TMEM240: variants seen among roughly 807,000 people sequenced by gnomAD.
TMEM240 encodes the protein transmembrane protein C1orf70.
A neutral mutation model predicts 19.5 loss-of-function variants in TMEM240; 3 were observed. The ratio of observed to expected loss-of-function variants is 0.15; its 90% CI spans 0.07 to 0.40. TMEM240 has a LOEUF of 0.40. Among genes scored for constraint, TMEM240 ranks in the 10% least tolerant of loss-of-function variants. The pLI, the probability that TMEM240 is intolerant of heterozygous loss-of-function variation, is 1.00. For missense variants in TMEM240, 210 were observed against 253.5 expected, an observed-to-expected ratio of 0.83 and a Z score of 1.17; for synonymous variants, 123 against 109.3, an observed-to-expected ratio of 1.13 and a Z score of -0.78.
Position 1,535,737 on chromosome 1 carries a change from C to T in TMEM240, c.225G>A (p.Glu75=). The stretch of plus-strand genomic sequence containing the variant: ...TCACACTGTCCGTCACAAAGTAGTT[C>T]TCGGAGGCGTCCACCACCGACTGGT... ...DGDQSVVDAS[E]NYFVTDSVTK... is the part of the protein sequence containing the mutation. The change falls in exon 3 of 4, where the codon GAG becomes GAA. Residue 75 remains glutamate, a synonymous_variant. Coordinates refer to ENST00000378733, the MANE Select transcript of TMEM240 (RefSeq NM_001114748.2). This position sits in a 1 kb window ranked among gnomAD's most constrained non-coding sequence, Gnocchi z 8.2. The T allele has an allele frequency of 1.3e-6, 2 of 1,550,394 alleles. No individual in the cohort carries two copies. Among genetic ancestry groups the T allele is most frequent in the East Asian group, 4.9e-5 (2 of 40,896 alleles).
chr1:1,538,543 G>A (rs547238531), intron 2 of TMEM240, among the ~76,000 whole-genome samples: 1 of 152,352 alleles, frequency 6.6e-6, no homozygotes, highest in South Asian at 2.1e-4. Flanking sequence ...GGGAGGCAGT[G>A]GAGCCGACCT....
In TMEM240 at chr1:1,535,923, C is replaced by CCT; in HGVS notation, c.165-127_165-126insAG. On this transcript the variant is annotated intron_variant, in intron 2 of 3. Transcript: ENST00000378733. The surrounding 1 kb of genome is among the most constrained non-coding windows in gnomAD (Gnocchi z 8.2). ...CCCTGGGGGTTCTCTGAAGCAGCCT[C>CCT]TTGGGCGGGCGGGTCGGGAAGGGGG... is the stretch of plus-strand genomic sequence containing the variant. The CCT allele has an allele frequency of 2.5e-6, 1 of 404,326 alleles. No individual in the cohort carries two copies. The highest frequency in any genetic ancestry group is 4.9e-6 in the Non-Finnish European group (1 of 202,508). The allele number at this position is 404,326 out of a possible 1,614,324, so 25.0% of individuals were successfully genotyped here. A position where few individuals can be genotyped will look rare whatever the true frequency, so the allele number is the denominator to read the frequency against.
chr1:1,538,719 G>A (rs951352206), intron 2 of TMEM240, among the ~76,000 whole-genome samples: 1 of 152,198 alleles, frequency 6.6e-6, no homozygotes, highest in Non-Finnish European at 1.5e-5. Flanking sequence ...TCATCGACAC[G>A]CCTGCTGCAC....
Position 1,539,857 on chromosome 1 carries a change from G to C in TMEM240, c.58-67C>G, listed in dbSNP as rs1339028640. The C allele has an allele frequency of 3.6e-6, 5 of 1,388,360 alleles. No individual in the cohort carries two copies. In the African/African-American group the frequency reaches 7.4e-5, roughly 20 times the overall value. 86.0% of individuals were successfully genotyped at this position (1,388,360 alleles called of 1,614,324 possible). A position where few individuals can be genotyped will look rare whatever the true frequency, so the allele number is the denominator to read the frequency against. On this transcript the variant is annotated intron_variant, in intron 1 of 3. Transcript: ENST00000378733. ...GACGAAGCGGGGCTGGGGGTGGGGA[G>C]CGCAGGCCGGGGTCGGGGCAGCGCA...
At position 1,538,476 on chromosome 1, in the gene TMEM240, G is replaced by A. The variant is rs760453098; in HGVS notation, c.164+1208C>T. Among the ~76,000 whole-genome samples the A allele has an allele frequency of 2.6e-5, 4 of 152,354 alleles. No homozygotes were observed. The East Asian group carries it at 5.8e-4, about 22-fold the overall frequency. On this transcript the variant is annotated intron_variant, in intron 2 of 3. Transcript: ENST00000378733. The stretch of plus-strand genomic sequence containing the variant: ...GCGGATGCACACGGCCCCAGCCCAC[G>A]TGCGTGGAGGCCGCACCTTTCTGAT...
rs1479036962 is a variant in TMEM240 at position 1,535,727 on chromosome 1, C to G, written c.235G>C (p.Val79Leu). 1.3e-6 allele frequency: 2 copies of G among 1,550,372 alleles called. No individual in the cohort carries two copies. Among genetic ancestry groups the G allele is most frequent in the African/African-American group, 2.7e-5 (2 of 73,026 alleles). ...SVVDASENYF[V>L]TDSVTKQEID... ...TCCTGCTTGGTCACACTGTCCGTCA[C>G]AAAGTAGTTCTCGGAGGCGTCCACC... The change falls in exon 3 of 4, where the codon GTG becomes CTG. Residue 79 changes from valine (V) to leucine (L), a missense_variant. By Grantham distance (32) the Val-to-Leu change is conservative. Transcript: ENST00000378733. This position sits in a 1 kb window ranked among gnomAD's most constrained non-coding sequence, Gnocchi z 8.2.
chr1:1,535,265 T>C lies in TMEM240; in HGVS notation c.*94A>G. ...CCGGACAACCTGGGCCCAGGGCTGC[T>C]GTCCAGTCCCGCCGGCCCGGGCGTC... On this transcript the variant is annotated 3_prime_UTR_variant, in exon 4 of 4. Coordinates refer to ENST00000378733, the MANE Select transcript of TMEM240 (RefSeq NM_001114748.2). The surrounding 1 kb of genome is among the most constrained non-coding windows in gnomAD (Gnocchi z 8.2). The C allele has an allele frequency of 7.1e-7, 1 of 1,417,422 alleles. No homozygotes were observed. The allele number at this position is 1,417,422 out of a possible 1,614,324, so 87.8% of individuals were successfully genotyped here.
Position 1,540,413 on chromosome 1 carries a change from T to C in TMEM240, c.-67A>G. The C allele has an allele frequency of 1.6e-6, 1 of 624,610 alleles. No individual in the cohort carries two copies. The highest frequency in any genetic ancestry group is 2.1e-6 in the Non-Finnish European group (1 of 485,442). 38.7% of individuals were successfully genotyped at this position (624,610 alleles called of 1,614,324 possible). A position where few individuals can be genotyped will look rare whatever the true frequency, so the allele number is the denominator to read the frequency against. On this transcript the variant is annotated 5_prime_UTR_variant, in exon 1 of 4. Coordinates refer to ENST00000378733, the MANE Select transcript of TMEM240 (RefSeq NM_001114748.2). ...CGGCGCCCCCCCGGCCCCGGCCCGA[T>C]GCTGAGCCCCCGCCGCCTCCGCAGA...
intron 2 of TMEM240, chr1:1,539,339 C>A: frequency 3.0e-6 from 1 of 329,288 alleles, no homozygotes; most frequent in Non-Finnish European, 5.7e-6. Context: ...GGGCCCAGCC[C>A]TGTGCCAGCA....
At chr1:1,538,847 G>A (rs1414151944) in intron 2 of TMEM240, among the ~76,000 whole-genome samples, 1 of 152,198 alleles carries the variant, frequency 6.6e-6, no homozygotes, top group Non-Finnish European at 1.5e-5. Context: ...ACGAACACGG[G>A]TTCTGGGCTG....
Position 1,535,879 on chromosome 1 carries a change from GTGTGACCGCGTCAGGCCGCCCT to G in TMEM240, c.165-104_165-83del. 1.7e-6 allele frequency: 2 copies of G among 1,174,338 alleles called. No homozygotes were observed. Among genetic ancestry groups the G allele is most frequent in the Non-Finnish European group, 2.4e-6 (2 of 822,746 alleles). The allele number at this position is 1,174,338 out of a possible 1,614,324, so 72.7% of individuals were successfully genotyped here. A position where few individuals can be genotyped will look rare whatever the true frequency, so the allele number is the denominator to read the frequency against. On this transcript the variant is annotated intron_variant, in intron 2 of 3. Coordinates refer to ENST00000378733, the MANE Select transcript of TMEM240 (RefSeq NM_001114748.2). The surrounding 1 kb of genome is among the most constrained non-coding windows in gnomAD (Gnocchi z 8.2). ...CCGGGGCGCCTACCCCGTGGTGGGG[GTGTGACCGCGTCAGGCCGCCCT>G]GGGGGTTCTCTGAAGCAGCCTCTTG...
rs547591498 is a variant in TMEM240 at position 1,536,288 on chromosome 1, G to A, written c.165-491C>T. Among the ~76,000 whole-genome samples, 18 of 152,146 alleles carry A rather than the reference G, an allele frequency of 1.2e-4. No individual in the cohort carries two copies. Among genetic ancestry groups the A allele is most frequent in the South Asian group, 6.2e-4 (3 of 4,826 alleles). ...GCCACTCCCATGCACCCTTCCCCCCGCTGCTGTGCCCTTTCCTCCACGGCT... is the reference window on the plus strand; with the variant it reads ...GCCACTCCCATGCACCCTTCCCCCCACTGCTGTGCCCTTTCCTCCACGGCT... On this transcript the variant is annotated intron_variant, in intron 2 of 3. Coordinates refer to ENST00000378733, the MANE Select transcript of TMEM240 (RefSeq NM_001114748.2). This position sits in a 1 kb window ranked among gnomAD's most constrained non-coding sequence, Gnocchi z 5.4.
chr1:1,537,235 G>A (rs906103990), intron 2 of TMEM240, among the ~76,000 whole-genome samples: 10 of 152,038 alleles, frequency 6.6e-5, no homozygotes, highest in South Asian at 2.1e-4. Flanking sequence ...CAGCATATCC[G>A]GAAAGTGGCC....
Position 1,534,975 on chromosome 1 carries a change from C to G in TMEM240, c.*384G>C, listed in dbSNP as rs938177048. On this transcript the variant is annotated 3_prime_UTR_variant, in exon 4 of 4. Transcript: ENST00000378733. ...GGGGCCAGACAGACGGTGGACGCAG[C>G]GCACGGGAAACAGCGCCTTCAAACA... is the stretch of plus-strand genomic sequence containing the variant. 4.7e-5 allele frequency among the ~76,000 whole-genome samples: 7 copies of G among 149,708 alleles called. No homozygotes were observed. The highest frequency in any genetic ancestry group is 7.4e-5 in the Non-Finnish European group (5 of 67,640).
chr1:1,535,271 G>C lies in TMEM240; in HGVS notation c.*88C>G. The C allele has an allele frequency of 6.8e-7, 1 of 1,461,774 alleles. No individual in the cohort carries two copies. Among genetic ancestry groups the C allele is most frequent in the Non-Finnish European group, 9.2e-7 (1 of 1,089,132 alleles). The allele number at this position is 1,461,774 out of a possible 1,614,324, so 90.6% of individuals were successfully genotyped here. A position where few individuals can be genotyped will look rare whatever the true frequency, so the allele number is the denominator to read the frequency against. On this transcript the variant is annotated 3_prime_UTR_variant, in exon 4 of 4. Coordinates refer to ENST00000378733, the MANE Select transcript of TMEM240 (RefSeq NM_001114748.2). The surrounding 1 kb of genome is among the most constrained non-coding windows in gnomAD (Gnocchi z 8.2). ...AACCTGGGCCCAGGGCTGCTGTCCA[G>C]TCCCGCCGGCCCGGGCGTCCACGAG...
Position 1,536,201 on chromosome 1 carries a change from CG to C in TMEM240, c.165-405del, listed in dbSNP as rs1313435694. ...AGGGTCACAGCTCACCCGCCCGCCC[CG>C]GGGCCGCGGAGGCCACTTGGAGCAG... On this transcript the variant is annotated intron_variant, in intron 2 of 3. Transcript: ENST00000378733. The surrounding 1 kb of genome is among the most constrained non-coding windows in gnomAD (Gnocchi z 5.4). Among the ~76,000 whole-genome samples, 1 of 152,104 alleles carries C rather than the reference CG, an allele frequency of 6.6e-6. No homozygotes were observed. Among genetic ancestry groups the C allele is most frequent in the African/African-American group, 2.4e-5 (1 of 41,396 alleles).
chr1:1,539,579 A>T, intron 2 of TMEM240, 105 bp downstream of exon 2: 1 of 1,002,812 alleles, frequency 1.0e-6, no homozygotes. Context: ...TCAAGGGTGG[A>T]AGGCGGCTCG....
intron 1 of TMEM240, 39 bp downstream of exon 1, chr1:1,540,250 CG>C: frequency 1.0e-6 from 1 of 1,001,774 alleles, no homozygotes; most frequent in Non-Finnish European, 1.2e-6. Context: ...CGCGCGCGGG[CG>C]GGGAGCAGGG....
chr1:1,535,835 C>G lies in TMEM240; in HGVS notation c.165-38G>C. On this transcript the variant is annotated intron_variant, in intron 2 of 3. Transcript: ENST00000378733. This position sits in a 1 kb window ranked among gnomAD's most constrained non-coding sequence, Gnocchi z 8.2. The stretch of plus-strand genomic sequence containing the variant: ...GGGCGGGCTGGCACCTCTCCCGCCA[C>G]CCCCGGCCTGGCCTTCCCCCGGGGC... 2.0e-6 allele frequency: 3 copies of G among 1,532,068 alleles called. No individual in the cohort carries two copies. Among genetic ancestry groups the G allele is most frequent in the Middle Eastern group, 3.7e-4 (2 of 5,402 alleles). The allele number at this position is 1,532,068 out of a possible 1,614,324, so 94.9% of individuals were successfully genotyped here. A position where few individuals can be genotyped will look rare whatever the true frequency, so the allele number is the denominator to read the frequency against.
Sources: allele counts gnomAD v4.1 joint callset (sites outside exome capture counted in the v4.1 genomes callset), GRCh38; gene constraint gnomAD v4.1.1; non-coding constraint Gnocchi (gnomAD v3.1); transcripts MANE v1.5; gene names NCBI Gene and HGNC (gene_info 2026-07-23, HGNC 2026-07-21).